Variants in OXNAD1 observed in about 807,000 individuals in gnomAD.
OXNAD1 encodes the protein oxidoreductase NAD binding domain containing 1, also known as oxidoreductase NAD-binding domain-containing protein 1.
In OXNAD1, 34 loss-of-function variants were observed where a neutral mutation model predicts 32.9. The observed-to-expected ratio is 1.03, with a 90% CI of 0.79 to 1.38. OXNAD1 has a LOEUF of 1.38. Among genes scored for constraint, OXNAD1 ranks in the 40% most tolerant of loss-of-function variants. The pLI is 0.00. For synonymous variants in OXNAD1, 134 were observed against 135.2 expected (o/e 0.99, Z 0.06); for missense variants, 407 against 379.4 (o/e 1.07, Z -0.60).
rs1361840300 is a variant in OXNAD1 at position 16,321,842 on chromosome 3, C to T, written c.*31-15270C>T. Among the ~76,000 whole-genome samples, 1 of 152,182 alleles carries T rather than the reference C, an allele frequency of 6.6e-6. No homozygotes were observed. Among genetic ancestry groups the T allele is most frequent in the East Asian group, 1.9e-4 (1 of 5,192 alleles). Reference sequence around the variant, plus strand: ...TTCAACCTTATTACAGCAGCTTTTACAAATCTATCTCTAAAGTCTCCCTGC... The same window carrying T: ...TTCAACCTTATTACAGCAGCTTTTATAAATCTATCTCTAAAGTCTCCCTGC... On this transcript the variant is annotated intron_variant, in intron 9 of 9. Transcript: ENST00000435829. This position sits in a 1 kb window ranked among gnomAD's most constrained non-coding sequence, Gnocchi z 4.8.
chr3:16,342,699 G>A lies in OXNAD1; in HGVS notation c.*31-6477G>A, dbSNP rs1230481637. On this transcript the variant is annotated intron_variant, in intron 9 of 9. Transcript: ENST00000606098. This position sits in a 1 kb window ranked among gnomAD's most constrained non-coding sequence, Gnocchi z 4.0. ...TCTCAAGCCTTCTTAAGTCTAATTT[G>A]CCAAGCCTAATTTGCCACTTCACCC... 6.6e-6 allele frequency among the ~76,000 whole-genome samples: 1 copy of A among 152,180 alleles called. No homozygotes were observed. The highest frequency in any genetic ancestry group is 2.1e-4 in the South Asian group (1 of 4,824).
rs2070893027 is a variant in OXNAD1 at position 16,336,789 on chromosome 3, T to C, written c.*31-323T>C. On this transcript the variant is annotated intron_variant, in intron 9 of 9. Coordinates refer to the OXNAD1 transcript ENST00000435829. This position sits in a 1 kb window ranked among gnomAD's most constrained non-coding sequence, Gnocchi z 6.0. ...CCCAGTGCTGGTGAATTCACATCTT[T>C]GTCTCATTTTCTCTACCAGGTAAGA... Among the ~76,000 whole-genome samples, 1 of 152,216 alleles carries C rather than the reference T, an allele frequency of 6.6e-6. No individual in the cohort carries two copies. The highest frequency in any genetic ancestry group is 1.9e-4 in the East Asian group (1 of 5,196).
In OXNAD1 at chr3:16,303,268, G is replaced by C. The variant is rs1460002505; in HGVS notation, c.785-140G>C. On this transcript the variant is annotated intron_variant, in intron 8 of 8. Transcript: ENST00000285083. The surrounding 1 kb of genome is among the most constrained non-coding windows in gnomAD (Gnocchi z 4.8). ...GGTCTGGGCCCAGATGCCAATAGGA[G>C]CCATACTGTGAATGGCTTAAGAAGA... 1 of 958,824 alleles carries C rather than the reference G, an allele frequency of 1.0e-6. No homozygotes were observed. The highest frequency in any genetic ancestry group is 2.5e-5 in the East Asian group (1 of 40,250). The allele number at this position is 958,824 out of a possible 1,614,324, so 59.4% of individuals were successfully genotyped here.
At chr3:16,342,214 C>A (rs1387734451), downstream of OXNAD1, among the ~76,000 whole-genome samples, 1 of 152,054 alleles carries the variant, frequency 6.6e-6, no homozygotes. The surrounding 1 kb of genome is among the most constrained non-coding windows in gnomAD (Gnocchi z 4.0). Flanking sequence ...CCCCCACCCA[C>A]CCCGAGGCAA....
rs566729421 is a variant in OXNAD1, at chr3:16,289,142, T to G, written c.290+2694T>G. ...GCATAATGCCTACTGTTAACTTCAT[T>G]TGTTTGATTTTAGCTTTTGTTATTG... On this transcript the variant is annotated intron_variant, in intron 5 of 8. Coordinates refer to ENST00000285083, the MANE Select transcript of OXNAD1 (RefSeq NM_138381.5). The surrounding 1 kb of genome is among the most constrained non-coding windows in gnomAD (Gnocchi z 4.9). Among the ~76,000 whole-genome samples, 8 of 152,304 alleles carry G rather than the reference T, an allele frequency of 5.3e-5. No individual in the cohort carries two copies. The highest frequency in any genetic ancestry group is 1.9e-4 in the African/African-American group (8 of 41,544).
rs567483845 is a variant in OXNAD1 at position 16,342,954 on chromosome 3, T to A, written c.*31-6222T>A. 1.3e-5 allele frequency among the ~76,000 whole-genome samples: 2 copies of A among 152,200 alleles called. No individual in the cohort carries two copies. The highest frequency in any genetic ancestry group is 3.9e-4 in the East Asian group (2 of 5,184). Reference sequence around the variant, plus strand: ...TCCCAGGCTCAAGTGAGCCTCCCACTACAGCCCCTCTGAGTCGCTGGGAAT... The same window carrying A: ...TCCCAGGCTCAAGTGAGCCTCCCACAACAGCCCCTCTGAGTCGCTGGGAAT... On this transcript the variant is annotated intron_variant, in intron 9 of 9. Transcript: ENST00000606098. This position sits in a 1 kb window ranked among gnomAD's most constrained non-coding sequence, Gnocchi z 4.0.
intron 2 of OXNAD1, among the ~76,000 whole-genome samples, chr3:16,269,516 A>G (rs2064783167): frequency 6.6e-6 from 1 of 152,246 alleles, no homozygotes; most frequent in African/African-American, 2.4e-5. Context: ...GCTTTTTAAT[A>G]TGATTTGGGT....
At position 16,301,869 on chromosome 3, in the gene OXNAD1, G is replaced by A. The variant is rs1422055773; in HGVS notation, c.675+1G>A. On this transcript the variant is annotated splice_donor_variant, in intron 7 of 8. Transcript: ENST00000285083. LOFTEE classifies it high-confidence loss of function. This position sits in a 1 kb window ranked among gnomAD's most constrained non-coding sequence, Gnocchi z 4.1. ...AAATACCAGCGAACTCCTGTTTAAG[G>A]TAAGGGAGGTATAGCTTGCTGTAAG... 6.2e-7 allele frequency: 1 copy of A among 1,613,266 alleles called. No individual in the cohort carries two copies. The highest frequency in any genetic ancestry group is 8.5e-7 in the Non-Finnish European group (1 of 1,179,388).
intron 6 of OXNAD1, among the ~76,000 whole-genome samples, chr3:16,300,733 C>T (rs1456531759): frequency 6.6e-6 from 1 of 152,164 alleles, no homozygotes; most frequent in Non-Finnish European, 1.5e-5. Flanking sequence ...TTTCAAACTA[C>T]CAGTAGGAAC....
intron 9 of OXNAD1, among the ~76,000 whole-genome samples, chr3:16,347,034 T>A (rs2071767959): frequency 6.6e-6 from 1 of 152,224 alleles, no homozygotes; most frequent in African/African-American, 2.4e-5. Flanking sequence ...GCAACCCAAC[T>A]GATACCCATG....
rs568263861 is a variant in OXNAD1 at position 16,312,322 on chromosome 3, C to T, written c.*30+8730C>T. ...AGCTGCATCAGTGGTTTTGGCGGGTCATAGTGCAGGCAGAGCACTAATCAC... is the reference window on the plus strand; with the variant it reads ...AGCTGCATCAGTGGTTTTGGCGGGTTATAGTGCAGGCAGAGCACTAATCAC... On this transcript the variant is annotated intron_variant, in intron 9 of 9. Coordinates refer to the OXNAD1 transcript ENST00000435829. The surrounding 1 kb of genome is among the most constrained non-coding windows in gnomAD (Gnocchi z 4.7). Among the ~76,000 whole-genome samples, 50 of 152,282 alleles carry T rather than the reference C, an allele frequency of 3.3e-4. No individual in the cohort carries two copies. The highest frequency in any genetic ancestry group is 1.1e-3 in the African/African-American group (47 of 41,556).
At chr3:16,339,289 C>G (rs1254901663), downstream of OXNAD1, 1 of 152,246 alleles carries the variant, frequency 6.6e-6, no homozygotes, top group Non-Finnish European at 1.5e-5. Context: ...CTCACTCAGC[C>G]CTCCCTCCTT....
intron 2 of OXNAD1, among the ~76,000 whole-genome samples, chr3:16,270,666 T>G (rs2064859764): frequency 6.6e-6 from 1 of 152,198 alleles, no homozygotes; most frequent in African/African-American, 2.4e-5. Context: ...TCATGTGAAC[T>G]TGGCCAGAGA....
intron 9 of OXNAD1, chr3:16,326,864 G>T (rs2125226161): frequency 6.2e-7 from 1 of 1,613,694 alleles, no homozygotes; most frequent in Middle Eastern, 1.7e-4. Flanking sequence ...TAGTCTGTCT[G>T]CACTTCGACA....
At position 16,344,714 on chromosome 3, in the gene OXNAD1, C is replaced by T. The variant is rs2071526873; in HGVS notation, c.*31-4462C>T. Among the ~76,000 whole-genome samples, 1 of 152,196 alleles carries T rather than the reference C, an allele frequency of 6.6e-6. No homozygotes were observed. The highest frequency in any genetic ancestry group is 1.5e-5 in the Non-Finnish European group (1 of 68,044). ...AAGCTCATGAAGACAGACCTCCTCCCAATGAAAGCACATCGTTGCCAAGTG... is the reference window on the plus strand; with the variant it reads ...AAGCTCATGAAGACAGACCTCCTCCTAATGAAAGCACATCGTTGCCAAGTG... On this transcript the variant is annotated intron_variant, in intron 9 of 9. Transcript: ENST00000606098. This position sits in a 1 kb window ranked among gnomAD's most constrained non-coding sequence, Gnocchi z 4.4.
Position 16,289,709 on chromosome 3 carries a change from T to C in OXNAD1, c.290+3261T>C, listed in dbSNP as rs780804019. Among the ~76,000 whole-genome samples the C allele has an allele frequency of 5.9e-5, 9 of 152,194 alleles. No individual in the cohort carries two copies. Among genetic ancestry groups the C allele is most frequent in the South Asian group, 4.1e-4 (2 of 4,830 alleles). ...TTTTTCAAACTGTGTCCTCCCCCAT[T>C]ACTCATCTGGTAAGCATTGTGTGTC... On this transcript the variant is annotated intron_variant, in intron 5 of 8. Transcript: ENST00000285083. The surrounding 1 kb of genome is among the most constrained non-coding windows in gnomAD (Gnocchi z 4.9).
chr3:16,273,791 A>G (rs529608611), intron 4 of OXNAD1, among the ~76,000 whole-genome samples: 1 of 152,364 alleles, frequency 6.6e-6, no homozygotes, highest in African/African-American at 2.4e-5. Flanking sequence ...TTGACTGCCA[A>G]TTCTAAGGAA....
intron 9 of OXNAD1, among the ~76,000 whole-genome samples, chr3:16,324,965 T>G (rs2069550503): frequency 6.6e-6 from 1 of 152,210 alleles, no homozygotes; most frequent in Non-Finnish European, 1.5e-5. Flanking sequence ...TTCTCTTTTC[T>G]CTATACCCTT....
chr3:16,326,603 GGTTAA>G (rs1329458103), intron 9 of OXNAD1, among the ~76,000 whole-genome samples: 3 of 152,146 alleles, frequency 2.0e-5, no homozygotes. Flanking sequence ...GGGTGACGGT[GGTTAA>G]GAATGTGAAA....
Sources: gnomAD v4.1 joint callset for allele counts (sites outside exome capture counted in the v4.1 genomes callset) on GRCh38, gnomAD v4.1.1 for gene constraint, Gnocchi (gnomAD v3.1) non-coding constraint, MANE v1.5 for transcripts, NCBI Gene and HGNC (gene_info 2026-07-23, HGNC 2026-07-21) for gene names.